The following TRMT11 variants were observed in gnomAD, a reference collection of about 807,000 sequenced individuals.
The protein encoded by TRMT11 is tRNA methyltransferase 11.
In TRMT11, 53 loss-of-function variants were observed where a neutral mutation model predicts 62.8. The ratio of observed to expected loss-of-function variants is 0.84; its 90% CI spans 0.68 to 1.06. The LOEUF is 1.06. Ranked by LOEUF, TRMT11 falls within the 50% of genes least tolerant of loss-of-function variation. The probability of loss-of-function intolerance (pLI) is 0.00; values close to 1 mark genes in which losing one functional copy is unlikely to be tolerated. For missense variants in TRMT11, 556 were observed against 553.4 expected (o/e 1.00, Z -0.05); for synonymous variants, 188 against 190.3 (o/e 0.99, Z 0.10).
intron 16 of TRMT11, among the ~76,000 whole-genome samples, chr6:126,049,091 A>G (rs111592330): frequency 0.011 from 1,641 of 152,310 alleles, 28 homozygotes; most frequent in African/African-American, 0.037. Flanking sequence ...TCTGGAATCT[A>G]TGAGCTTTGA....
chr6:126,122,197 C>T (rs756458687), intron 21 of TRMT11, among the ~76,000 whole-genome samples: 3 of 152,166 alleles, frequency 2.0e-5, no homozygotes, highest in South Asian at 2.1e-4. Context: ...GAACTGGGAG[C>T]CCATTAAACC....
intron 21 of TRMT11, among the ~76,000 whole-genome samples, chr6:126,145,640 T>A (rs1777966179): frequency 6.6e-6 from 1 of 152,152 alleles, no homozygotes; most frequent in Admixed American, 6.6e-5. Context: ...CAGTAACGAC[T>A]TCCATGGTCA....
intron 16 of TRMT11, among the ~76,000 whole-genome samples, chr6:126,051,057 G>T (rs1039937088): frequency 6.6e-6 from 1 of 152,194 alleles, no homozygotes; most frequent in African/African-American, 2.4e-5. Context: ...GGGCGTGGGA[G>T]ATGGTTCCAA....
chr6:126,145,094 A>G (rs1318026936), intron 21 of TRMT11, among the ~76,000 whole-genome samples: 1 of 152,244 alleles, frequency 6.6e-6, no homozygotes, highest in African/African-American at 2.4e-5. Context: ...ATTTGAAAAT[A>G]GAGAAGATCA....
At chr6:126,228,063 C>T in the TRMT11 span, among the ~76,000 whole-genome samples, 82 of 152,330 alleles carry the variant, frequency 5.4e-4, 1 homozygote, top group East Asian at 0.012. Flanking sequence ...CACTTAATTA[C>T]CTGTTCCTGC....
the TRMT11 span, among the ~76,000 whole-genome samples, chr6:126,264,979 C>G: frequency 6.6e-6 from 1 of 152,102 alleles, no homozygotes; most frequent in Non-Finnish European, 1.5e-5. Flanking sequence ...ATGGGAAAGT[C>G]AAGGTTCAGA....
intron 18 of TRMT11, among the ~76,000 whole-genome samples, chr6:126,114,064 G>A (rs1049404621): frequency 1.1e-4 from 16 of 152,034 alleles, no homozygotes; most frequent in African/African-American, 3.6e-4. Flanking sequence ...TTTTAAAATA[G>A]GATAGAGTAC....
At chr6:126,080,352 G>T (rs1426187888) in intron 17 of TRMT11, among the ~76,000 whole-genome samples, 1 of 151,918 alleles carries the variant, frequency 6.6e-6, no homozygotes, top group Non-Finnish European at 1.5e-5. Context: ...CTCTCAAAGT[G>T]CTGGGAATCA....
the TRMT11 span, among the ~76,000 whole-genome samples, chr6:126,222,164 T>C: frequency 6.6e-6 from 1 of 152,176 alleles, no homozygotes; most frequent in East Asian, 1.9e-4. Flanking sequence ...GTTCCATTAG[T>C]CTATGTGTCT....
intron 21 of TRMT11, among the ~76,000 whole-genome samples, chr6:126,139,692 C>G (rs1777893248): frequency 6.6e-6 from 1 of 152,008 alleles, no homozygotes; most frequent in Non-Finnish European, 1.5e-5. Flanking sequence ...TTTATGGCCA[C>G]ATACTATCTA....
the TRMT11 span, among the ~76,000 whole-genome samples, chr6:126,250,625 C>T: frequency 6.6e-6 from 1 of 152,172 alleles, no homozygotes; most frequent in Non-Finnish European, 1.5e-5. Flanking sequence ...TTTTAAGGCT[C>T]TTCCTATCTC....
chr6:126,235,678 C>T, the TRMT11 span, among the ~76,000 whole-genome samples: 1 of 152,044 alleles, frequency 6.6e-6, no homozygotes, highest in African/African-American at 2.4e-5. Context: ...TGAAGGGGAA[C>T]AACACACAGT....
At chr6:126,169,893 C>T (rs996654196) in intron 21 of TRMT11, among the ~76,000 whole-genome samples, 1 of 152,118 alleles carries the variant, frequency 6.6e-6, no homozygotes, top group Non-Finnish European at 1.5e-5. Flanking sequence ...CTGTTTTCTA[C>T]TAAATAAGAC....
At chr6:126,046,025 T>C (rs951903319) in intron 16 of TRMT11, among the ~76,000 whole-genome samples, 1 of 152,050 alleles carries the variant, frequency 6.6e-6, no homozygotes, top group Non-Finnish European at 1.5e-5. Context: ...ATTTGGTCTT[T>C]TACTGCCCTG....
the TRMT11 span, among the ~76,000 whole-genome samples, chr6:126,248,976 T>A: frequency 6.6e-6 from 1 of 152,134 alleles, no homozygotes; most frequent in East Asian, 1.9e-4. Context: ...AGATGTCTTT[T>A]GTAATCTATC....
chr6:126,057,952 T>C (rs1042186133), intron 17 of TRMT11, among the ~76,000 whole-genome samples: 10 of 127,352 alleles, frequency 7.9e-5, no homozygotes, highest in African/African-American at 2.5e-4. Context: ...TTTCTTTTTT[T>C]CTTTTTCTTT....
chr6:126,215,569 T>C, the TRMT11 span, among the ~76,000 whole-genome samples: 1 of 152,086 alleles, frequency 6.6e-6, no homozygotes, highest in South Asian at 2.1e-4. Context: ...ATTGTCAGTC[T>C]ATGTGTCTCT....
chr6:126,141,107 G>T (rs533616306), intron 21 of TRMT11, among the ~76,000 whole-genome samples: 3 of 151,988 alleles, frequency 2.0e-5, no homozygotes, highest in African/African-American at 4.8e-5. Flanking sequence ...TAGAGAAAAC[G>T]TACTTAGCAA....
At chr6:126,219,809 A>T in the TRMT11 span, among the ~76,000 whole-genome samples, 2 of 152,242 alleles carry the variant, frequency 1.3e-5, no homozygotes, top group African/African-American at 4.8e-5. Context: ...TGAAGCATTT[A>T]TAATGTTCTA....
Sources: allele counts gnomAD v4.1 joint callset (sites outside exome capture counted in the v4.1 genomes callset), GRCh38; gene constraint gnomAD v4.1.1; transcripts MANE v1.5; gene names NCBI Gene and HGNC (gene_info 2026-07-23, HGNC 2026-07-21).